Variants in ABCB11 observed in about 807,000 individuals in gnomAD.
ABCB11 encodes the protein bile salt export pump.
ABCB11 carries 95 observed loss-of-function variants against 148.0 expected under a neutral mutation model. The ratio of observed to expected loss-of-function variants is 0.64; its 90% CI spans 0.54 to 0.76. ABCB11 has a LOEUF of 0.76. ABCB11 is among the 30% of genes least tolerant of loss of function. ABCB11 has a pLI of 0.00. For synonymous variants in ABCB11, 591 were observed against 555.4 expected, an observed-to-expected ratio of 1.06 and a Z score of -0.90; for missense variants, 1,523 against 1,617.8, an observed-to-expected ratio of 0.94 and a Z score of 1.01.
In ABCB11 at chr2:168,996,710, G is replaced by A. The variant is rs11568377; in HGVS notation, c.402C>T (p.Ile134=). 0.01 allele frequency: 15,656 copies of A among 1,560,136 alleles called. 1,133 individuals carry two copies. In the African/African-American group the frequency reaches 0.17, roughly 17 times the overall value. Residue 134 remains isoleucine (I), a synonymous_variant, in exon 6 of 28, where the codon ATC becomes ATT. Transcript: ENST00000650372. ...TGGCAAATTTGATCATTTCGCTCTC[G>A]ATGTTCAGCAACCTTCAAAAGAGGG... ...TNGTRCGLLN[I]ESEMIKFASY... is the part of the protein sequence containing the mutation.
chr2:168,935,463 G>T, intron 22 of ABCB11, 38 bp from the exon 23 acceptor site: 1 of 1,583,160 alleles, frequency 6.3e-7, no homozygotes. Flanking sequence ...TACAAGGGCA[G>T]AAATAACTCC....
chr2:168,945,288 TAA>T (rs774946085), intron 19 of ABCB11, among the ~76,000 whole-genome samples: 73 of 151,986 alleles, frequency 4.8e-4, no homozygotes, highest in Non-Finnish European at 7.1e-4. Context: ...CTCTAAAAAA[TAA>T]AGTCTTTTAA....
chr2:168,935,606 T>C lies in ABCB11; in HGVS notation c.2815-181A>G, dbSNP rs75893609. Among the ~76,000 whole-genome samples the C allele has an allele frequency of 0.087, 13,191 of 152,096 alleles. 1,869 individuals are homozygous for C. Among genetic ancestry groups the C allele is most frequent in the African/African-American group, 0.3 (12,303 of 41,378 alleles). ...ACCCAACTGGACCACGAGACAATTT[T>C]TCAGTTAAATTCAAGTTTCCCTTAA... On this transcript the variant is annotated intron_variant, in intron 22 of 27. Transcript: ENST00000650372.
At chr2:168,946,262 T>C (rs1272224256) in intron 19 of ABCB11, among the ~76,000 whole-genome samples, 1 of 151,874 alleles carries the variant, frequency 6.6e-6, no homozygotes, top group East Asian at 1.9e-4. Context: ...AACAAATAGT[T>C]GTTCAAAGGA....
At chr2:168,950,138 TATAC>T (rs1264946672) in intron 19 of ABCB11, among the ~76,000 whole-genome samples, 30 of 102,334 alleles carry the variant, frequency 2.9e-4, no homozygotes, top group Admixed American at 7.1e-4. Context: ...CATATATATA[TATAC>T]ACACACACAC....
intron 10 of ABCB11, among the ~76,000 whole-genome samples, chr2:168,983,058 A>T (rs1438173918): frequency 6.6e-6 from 1 of 152,144 alleles, no homozygotes; most frequent in Non-Finnish European, 1.5e-5. Context: ...TTTAAAGATG[A>T]GAGACATAAA....
Position 168,957,998 on chromosome 2 carries a change from G to C in ABCB11, c.2309C>G (p.Pro770Arg). The C allele has an allele frequency of 6.2e-7, 1 of 1,605,212 alleles. No homozygotes were observed. The highest frequency in any genetic ancestry group is 8.5e-7 in the Non-Finnish European group (1 of 1,173,674). The change falls in exon 19 of 28, where the codon CCC (proline) becomes CGC (arginine). Residue 770 changes from proline (P) to arginine (R), a missense_variant. Coordinates refer to ENST00000650372, the MANE Select transcript of ABCB11 (RefSeq NM_003742.4). ...VGAAVNGTVTPLYAFLFSQIL... is the reference protein window; with the variant it reads ...VGAAVNGTVTRLYAFLFSQIL... ...CTGGCTGAATAAAAAGGCATACAAGGGTGTGACTGTCCCGTTCACAGCTGC... is the reference window on the plus strand; with the variant it reads ...CTGGCTGAATAAAAAGGCATACAAGCGTGTGACTGTCCCGTTCACAGCTGC...
At chr2:169,023,913 A>G in intron 1 of ABCB11, among the ~76,000 whole-genome samples, 1 of 152,190 alleles carries the variant, frequency 6.6e-6, no homozygotes, top group Non-Finnish European at 1.5e-5. Flanking sequence ...GGTTTAAGAT[A>G]CGATAAAGTT....
At position 168,922,649 on chromosome 2, in the gene ABCB11, A is replaced by G. The variant is rs1203810042; in HGVS notation, c.*973T>C. On this transcript the variant is annotated 3_prime_UTR_variant, in exon 28 of 28. Transcript: ENST00000650372. The stretch of plus-strand genomic sequence containing the variant: ...TGGCTCCCAAGATTTTGCAGGTGGC[A>G]TCACTGTGTTTTCTTCATTCTTGTA... Among the ~76,000 whole-genome samples the G allele has an allele frequency of 1.3e-5, 2 of 152,320 alleles. No individual in the cohort carries two copies. The highest frequency in any genetic ancestry group is 2.4e-5 in the African/African-American group (1 of 41,568).
chr2:169,021,275 T>C (rs895672528), intron 1 of ABCB11, among the ~76,000 whole-genome samples: 4 of 152,156 alleles, frequency 2.6e-5, no homozygotes, highest in Admixed American at 1.3e-4. Context: ...TCCAGACATA[T>C]ACTTATTATA....
intron 19 of ABCB11, among the ~76,000 whole-genome samples, chr2:168,950,914 T>C (rs1272327367): frequency 6.6e-6 from 1 of 151,770 alleles, no homozygotes; most frequent in African/African-American, 2.4e-5. Context: ...GTTTCAGGTC[T>C]ATGTTTAGGT....
At chr2:168,941,038 C>G (rs1263503933) in intron 21 of ABCB11, among the ~76,000 whole-genome samples, 1 of 152,180 alleles carries the variant, frequency 6.6e-6, no homozygotes, top group East Asian at 1.9e-4. Context: ...CCCAGGTGCT[C>G]TGACGGAGAT....
intron 19 of ABCB11, among the ~76,000 whole-genome samples, chr2:168,945,952 A>C (rs1692286394): frequency 6.6e-6 from 1 of 151,838 alleles, no homozygotes; most frequent in Admixed American, 6.6e-5. Context: ...CCACCCCCTA[A>C]AAAACTACGG....
intron 21 of ABCB11, among the ~76,000 whole-genome samples, chr2:168,938,163 T>G (rs575727450): frequency 1.3e-5 from 2 of 152,324 alleles, no homozygotes; most frequent in South Asian, 4.1e-4. Context: ...TAAAATTGTG[T>G]CCCAAAGCAT....
At chr2:169,018,010 C>T (rs1695416588) in intron 2 of ABCB11, 40 bp downstream of exon 2, 1 of 1,553,958 alleles carries the variant, frequency 6.4e-7, no homozygotes, top group Admixed American at 1.7e-5. Context: ...GTTCTCACCT[C>T]TCCTTGTACA....
At position 168,936,242 on chromosome 2, in the gene ABCB11, C is replaced by T; in HGVS notation, c.2802G>A (p.Glu934=). ...TCTGCAAGATTACCTGTCCCACCATCTCCAGGGCCTGCTTATCTCGAGAGG... is the reference window on the plus strand; with the variant it reads ...TCTGCAAGATTACCTGTCCCACCATTTCCAGGGCCTGCTTATCTCGAGAGG... The part of the protein sequence containing the change: ...GFASRDKQAL[E]MVGQITNEAL... The change falls in exon 22 of 28, where the codon GAG becomes GAA. Residue 934 remains glutamate (E), a synonymous_variant. Transcript: ENST00000650372. 2.5e-6 allele frequency: 4 copies of T among 1,613,742 alleles called. 1 individual carries two copies. Among genetic ancestry groups the T allele is most frequent in the Non-Finnish European group, 1.7e-6 (2 of 1,179,714 alleles).
rs560906772 is a variant in ABCB11, at chr2:168,927,422, T to A, written c.3412-60A>T. The A allele has an allele frequency of 1.1e-5, 15 of 1,420,222 alleles. No homozygotes were observed. In the South Asian group the frequency reaches 1.7e-4, roughly 16 times the overall value. 88.0% of individuals were successfully genotyped at this position (1,420,222 alleles called of 1,614,324 possible). A position where few individuals can be genotyped will look rare whatever the true frequency, so the allele number is the denominator to read the frequency against. ...TTAGAATTCCAGCAGTGAGGAAAGT[T>A]CATATTCTAGCATTAGGTGTTATGC... On this transcript the variant is annotated intron_variant, in intron 25 of 27. Transcript: ENST00000650372.
At chr2:168,972,275 A>G (rs1693616466) in intron 13 of ABCB11, among the ~76,000 whole-genome samples, 1 of 152,108 alleles carries the variant, frequency 6.6e-6, no homozygotes, top group Non-Finnish European at 1.5e-5. Context: ...TGATGTAAAT[A>G]AAGTTCACTT....
At chr2:168,959,735 G>A (rs573814095) in intron 18 of ABCB11, among the ~76,000 whole-genome samples, 25 of 151,606 alleles carry the variant, frequency 1.6e-4, no homozygotes, top group African/African-American at 5.8e-4. Context: ...GGCTCCTCAA[G>A]CCCAGGTTTC....
Sources: allele counts gnomAD v4.1 joint callset (sites outside exome capture counted in the v4.1 genomes callset), GRCh38; gene constraint gnomAD v4.1.1; transcripts MANE v1.5; gene names NCBI Gene and HGNC (gene_info 2026-07-23, HGNC 2026-07-21).